CNBD2: variants seen among roughly 807,000 people sequenced by gnomAD.
The protein encoded by CNBD2 is cyclic nucleotide binding domain containing 2.
In CNBD2, 64 loss-of-function variants were observed where a neutral mutation model predicts 63.7. The ratio of observed to expected loss-of-function variants is 1.00; its 90% confidence interval spans 0.82 to 1.24. CNBD2 has a LOEUF of 1.24. CNBD2 is among the 50% of genes most tolerant of loss of function. The probability of loss-of-function intolerance (pLI) is 0.00; values close to 1 mark genes in which losing one functional copy is unlikely to be tolerated. For missense variants in CNBD2, 691 were observed against 713.5 expected (o/e 0.97, Z 0.36); for synonymous variants, 229 against 255.4 (o/e 0.90, Z 0.99).
chr20:35,999,679 C>CA (rs371214938), intron 8 of CNBD2, among the ~76,000 whole-genome samples: 1 of 142,110 alleles, frequency 7.0e-6, no homozygotes, highest in South Asian at 2.2e-4. Context: ...CAAGTATCTT[C>CA]TTTTTTTTTT....
intron 11 of CNBD2, among the ~76,000 whole-genome samples, chr20:36,025,217 G>C (rs935141856): frequency 6.6e-6 from 1 of 152,180 alleles, no homozygotes; most frequent in Non-Finnish European, 1.5e-5. Flanking sequence ...TTACCCGAGA[G>C]AAACCTAGAA....
intron 2 of CNBD2, among the ~76,000 whole-genome samples, chr20:35,960,732 CCTTCT>C (rs1447959195): frequency 3.8e-4 from 19 of 49,924 alleles, no homozygotes; most frequent in African/African-American, 2.5e-3. Flanking sequence ...CCTTCTCTTC[CCTTCT>C]CTTCCCTTCT....
downstream of CNBD2, among the ~76,000 whole-genome samples, chr20:35,960,084 T>G (rs557713159): frequency 6.6e-6 from 1 of 152,340 alleles, no homozygotes; most frequent in African/African-American, 2.4e-5. Context: ...TAGCAAGAGC[T>G]TGGATGGTAA....
chr20:36,014,834 A>G (rs972110968), intron 10 of CNBD2, among the ~76,000 whole-genome samples: 1 of 151,778 alleles, frequency 6.6e-6, no homozygotes, highest in Non-Finnish European at 1.5e-5. Context: ...GGGTCTCACT[A>G]TGTTGCCCAG....
chr20:36,018,060 C>T (rs147135150), intron 10 of CNBD2, among the ~76,000 whole-genome samples: 269 of 152,310 alleles, frequency 1.8e-3, no homozygotes, highest in African/African-American at 6.3e-3. Context: ...GCCCAGTTTC[C>T]CCTGTTATTA....
intron 8 of CNBD2, among the ~76,000 whole-genome samples, chr20:36,004,894 ATGT>A (rs1258019757): frequency 2.6e-5 from 4 of 152,202 alleles, no homozygotes; most frequent in South Asian, 4.2e-4. Flanking sequence ...TTTTCCATAA[ATGT>A]TGTCCAATAT....
chr20:35,978,501 C>T (rs1399119848), intron 3 of CNBD2, among the ~76,000 whole-genome samples: 1 of 152,134 alleles, frequency 6.6e-6, no homozygotes, highest in Non-Finnish European at 1.5e-5. Flanking sequence ...CCTGCCACCA[C>T]GCCCTGCTAA....
At chr20:35,957,605 G>A (rs1279485025), downstream of CNBD2, 1 of 152,078 alleles carries the variant, frequency 6.6e-6, no homozygotes, top group Non-Finnish European at 1.5e-5. Flanking sequence ...CCTCTTCTTC[G>A]AAAAGGGATG....
At chr20:35,992,088 C>T (rs973342820) in intron 7 of CNBD2, among the ~76,000 whole-genome samples, 7 of 152,122 alleles carry the variant, frequency 4.6e-5, no homozygotes, top group Non-Finnish European at 7.4e-5. Flanking sequence ...ACCATGTTGG[C>T]CAGGCTGGTC....
upstream of CNBD2, among the ~76,000 whole-genome samples, chr20:35,965,255 GCAA>G (rs1473934198): frequency 6.9e-6 from 1 of 144,668 alleles, no homozygotes; most frequent in Non-Finnish European, 1.5e-5. Context: ...TTGGCTCACT[GCAA>G]CCTGCGCCTC....
At chr20:36,002,407 G>A (rs2056926394) in intron 8 of CNBD2, among the ~76,000 whole-genome samples, 1 of 152,106 alleles carries the variant, frequency 6.6e-6, no homozygotes, top group Non-Finnish European at 1.5e-5. Flanking sequence ...GAGGGAGAGG[G>A]AGACCGTGGG....
chr20:35,982,493 G>C (rs145371209), intron 4 of CNBD2, among the ~76,000 whole-genome samples: 268 of 152,130 alleles, frequency 1.8e-3, no homozygotes, highest in African/African-American at 6.3e-3. Context: ...TGCACCTTTG[G>C]TCATGGTGGT....
At chr20:36,022,515 A>G in intron 10 of CNBD2, among the ~76,000 whole-genome samples, 1 of 151,400 alleles carries the variant, frequency 6.6e-6, no homozygotes, top group East Asian at 2.0e-4. Flanking sequence ...TTGTATTATT[A>G]GTAGAGGTGG....
chr20:35,998,233 G>T (rs1047471638), intron 8 of CNBD2, among the ~76,000 whole-genome samples: 28 of 151,688 alleles, frequency 1.8e-4, no homozygotes, highest in African/African-American at 6.5e-4. Flanking sequence ...TAGAGATGGG[G>T]TTTCAGCATG....
chr20:35,983,998 G>A lies in CNBD2; in HGVS notation c.424G>A (p.Val142Met). Residue 142 changes from valine to methionine, a missense_variant, in exon 5 of 12, where the codon GTG (valine) becomes ATG (methionine). Coordinates refer to ENST00000373973, the MANE Select transcript of CNBD2 (RefSeq NM_001365709.1). ...TTTTCCCAGGTTTGGTCGCAGGCGT[G>A]TGATCATCAAGAAGGGGCAGAAGGG... ...MRFERFGRRR[V>M]IIKKGQKGNS... The A allele has an allele frequency of 2.0e-5, 33 of 1,614,224 alleles. No individual in the cohort carries two copies. The highest frequency in any genetic ancestry group is 2.7e-5 in the Non-Finnish European group (32 of 1,180,034).
chr20:35,956,041 C>T (rs2056253620), downstream of CNBD2, among the ~76,000 whole-genome samples: 1 of 152,192 alleles, frequency 6.6e-6, no homozygotes. Context: ...TTTATATCCT[C>T]ATTTTACAGA....
chr20:36,021,055 C>T (rs768826386), intron 10 of CNBD2, among the ~76,000 whole-genome samples: 2 of 152,152 alleles, frequency 1.3e-5, no homozygotes, highest in East Asian at 1.9e-4. Flanking sequence ...GGAGACATGT[C>T]GATAGATATT....
intron 10 of CNBD2, among the ~76,000 whole-genome samples, chr20:36,017,926 G>A (rs2147352581): frequency 6.6e-6 from 1 of 152,278 alleles, no homozygotes; most frequent in Middle Eastern, 3.4e-3. Flanking sequence ...GCCAAGCGTG[G>A]TCACCCACAC....
chr20:36,017,200 G>A (rs2057146930), intron 10 of CNBD2, among the ~76,000 whole-genome samples: 1 of 152,144 alleles, frequency 6.6e-6, no homozygotes, highest in Admixed American at 6.5e-5. Context: ...CGGGTGCAGA[G>A]GTAGGGCAGG....
Sources: allele counts gnomAD v4.1 joint callset (sites outside exome capture counted in the v4.1 genomes callset), GRCh38; gene constraint gnomAD v4.1.1; transcripts MANE v1.5; gene names NCBI Gene and HGNC (gene_info 2026-07-23, HGNC 2026-07-21).